The following PCDHA1 variants were observed in gnomAD, a reference collection of about 807,000 sequenced individuals.
The protein encoded by PCDHA1 is protocadherin alpha 1, also known as protocadherin alpha-1.
PCDHA1 carries 42 observed loss-of-function variants against 61.3 expected under a neutral mutation model. That is an observed-to-expected ratio of 0.69 (90% CI 0.54 to 0.89). The LOEUF (loss-of-function observed/expected upper bound fraction) is 0.89, where lower values mean the gene tolerates loss of function less well. Ranked by LOEUF, PCDHA1 falls within the 40% of genes least tolerant of loss-of-function variation. The pLI, the probability that PCDHA1 is intolerant of heterozygous loss-of-function variation, is 0.00. For synonymous variants in PCDHA1, 610 were observed against 553.8 expected (o/e 1.10, Z -1.43); for missense variants, 1,256 against 1,235.3 (o/e 1.02, Z -0.25).
intron 3 of PCDHA1, among the ~76,000 whole-genome samples, chr5:141,005,571 G>A (rs1053042213): frequency 4.0e-5 from 6 of 151,334 alleles, no homozygotes; most frequent in African/African-American, 4.9e-5. Context: ...GCATGGTGGC[G>A]CGTGCCTGTA....
At chr5:141,005,440 A>C (rs1174431656) in intron 3 of PCDHA1, among the ~76,000 whole-genome samples, 3 of 152,112 alleles carry the variant, frequency 2.0e-5, no homozygotes, top group African/African-American at 7.2e-5. Flanking sequence ...TGAGAGGCTC[A>C]CGCCTGTAAT....
chr5:140,884,096 G>T (rs782587372), intron 1 of PCDHA1: 1 of 1,613,580 alleles, frequency 6.2e-7, no homozygotes, highest in Non-Finnish European at 8.5e-7. Flanking sequence ...GCTTTCGTAT[G>T]AATTGCAGCT....
intron 1 of PCDHA1, among the ~76,000 whole-genome samples, chr5:140,839,583 T>A (rs1285207405): frequency 6.6e-6 from 1 of 151,916 alleles, no homozygotes; most frequent in Non-Finnish European, 1.5e-5. Context: ...AGAGATGGGG[T>A]CTTACCATGT....
chr5:140,794,310 A>G (rs1204166014), intron 1 of PCDHA1, among the ~76,000 whole-genome samples: 1 of 152,260 alleles, frequency 6.6e-6, no homozygotes, highest in Non-Finnish European at 1.5e-5. Context: ...CAGCCTTAAA[A>G]AGGAAATAAA....
At chr5:140,968,569 C>A in intron 1 of PCDHA1, 1 of 1,614,204 alleles carries the variant, frequency 6.2e-7, no homozygotes, top group Middle Eastern at 1.7e-4. Flanking sequence ...CCCCTGCTGG[C>A]TACCTGGTCA....
At chr5:140,909,101 G>C (rs1242179195) in intron 1 of PCDHA1, among the ~76,000 whole-genome samples, 1 of 152,122 alleles carries the variant, frequency 6.6e-6, no homozygotes, top group Non-Finnish European at 1.5e-5. Flanking sequence ...CACTCACTGG[G>C]TCCAATCAGC....
chr5:140,868,810 G>A lies in PCDHA1; in HGVS notation c.2394+80126G>A, dbSNP rs944762063. On this transcript the variant is annotated intron_variant, in intron 1 of 3. Transcript: ENST00000504120. Reference sequence around the variant, plus strand: ...GAATATTCCATAAATAAGCACGTTGGAAATATTTGGGGGAAGAAACCCAAA... The same window carrying A: ...GAATATTCCATAAATAAGCACGTTGAAAATATTTGGGGGAAGAAACCCAAA... 1.0e-4 allele frequency: 38 copies of A among 369,934 alleles called. No homozygotes were observed. The Admixed American group carries it at 1.3e-3, about 12-fold the overall frequency. The allele number at this position is 369,934 out of a possible 1,614,324, so 22.9% of individuals were successfully genotyped here.
intron 1 of PCDHA1, among the ~76,000 whole-genome samples, chr5:140,906,598 C>T (rs1258343234): frequency 6.6e-6 from 1 of 152,238 alleles, no homozygotes; most frequent in African/African-American, 2.4e-5. Flanking sequence ...TCCTCTACTA[C>T]TCATTCTGTA....
rs1272799738 is a variant in PCDHA1 at position 140,969,033 on chromosome 5, T to C, written c.2395-9916T>C. On this transcript the variant is annotated intron_variant, in intron 1 of 3. Coordinates refer to ENST00000504120, the MANE Select transcript of PCDHA1 (RefSeq NM_018900.4). ...GTAAGGGAAAGGTCCCCTGCAGAAC[T>C]GTACAAACAAGCCAACAACAATATT... 5 of 1,614,028 alleles carry C rather than the reference T, an allele frequency of 3.1e-6. No individual in the cohort carries two copies. Among genetic ancestry groups the C allele is most frequent in the Admixed American group, 3.3e-5 (2 of 60,006 alleles).
chr5:140,815,532 T>TATATTA (rs1554126820), intron 1 of PCDHA1: 3 of 151,194 alleles, frequency 2.0e-5, no homozygotes, highest in Non-Finnish European at 4.4e-5. Flanking sequence ...ATATTGTGTA[T>TATATTA]ACATTATTTT....
rs1252148937 is a variant in PCDHA1 at position 141,009,582 on chromosome 5, G to T, written c.2543-45G>T. On this transcript the variant is annotated intron_variant, in intron 3 of 3. Coordinates refer to ENST00000504120, the MANE Select transcript of PCDHA1 (RefSeq NM_018900.4). ...CTCTACCAGCAGTGTGGCATCAAGA[G>T]CATGTGTTGACCCTGTTAATGATTT... 16 of 1,590,108 alleles carry T rather than the reference G, an allele frequency of 1.0e-5. No homozygotes were observed. In the African/African-American group the frequency reaches 2.0e-4, roughly 20 times the overall value.
intron 1 of PCDHA1, chr5:140,836,860 A>G: frequency 1.3e-6 from 1 of 774,528 alleles, no homozygotes; most frequent in East Asian, 2.8e-5. Context: ...TTATTTTTTA[A>G]TGTTATGCTG....
chr5:140,928,790 G>GGGT, intron 1 of PCDHA1: 2 of 1,614,176 alleles, frequency 1.2e-6, no homozygotes, highest in Non-Finnish European at 1.7e-6. Context: ...GTTAAGCAGA[G>GGGT]GGTGGTGGTA....
intron 1 of PCDHA1, chr5:140,927,861 C>T (rs782305822): frequency 1.2e-6 from 2 of 1,614,042 alleles, no homozygotes; most frequent in East Asian, 2.2e-5. Context: ...TAGCTAGCAC[C>T]GCTAAACTGC....
At chr5:140,816,771 C>T in intron 1 of PCDHA1, 1 of 151,966 alleles carries the variant, frequency 6.6e-6, no homozygotes, top group Admixed American at 6.6e-5. Context: ...GTGTATAATT[C>T]CTAATTAGAG....
chr5:140,822,454 T>C (rs1283772552), intron 1 of PCDHA1: 3 of 1,613,664 alleles, frequency 1.9e-6, no homozygotes, highest in East Asian at 4.5e-5. Context: ...TACAGTTCAG[T>C]TGTTGATCAA....
intron 1 of PCDHA1, chr5:140,828,196 A>C (rs200011304): frequency 1.8e-4 from 283 of 1,613,856 alleles, no homozygotes; most frequent in East Asian, 4.2e-4. Context: ...ACTACTCCGT[A>C]CCCGAGGAGG....
chr5:140,835,478 A>C (rs2150236474), intron 1 of PCDHA1: 1 of 1,613,896 alleles, frequency 6.2e-7, no homozygotes, highest in South Asian at 1.1e-5. Context: ...ACGCCCAACC[A>C]GGTACCGTCA....
Position 140,851,965 on chromosome 5 carries a change from A to G in PCDHA1, c.2394+63281A>G, listed in dbSNP as rs564952826. On this transcript the variant is annotated intron_variant, in intron 1 of 3. Transcript: ENST00000504120. Reference sequence around the variant, plus strand: ...GTGACTTTCAAAATGGTGGTTTTCCACACTCTACCTTTAGTGCAAGCTATT... The same window carrying G: ...GTGACTTTCAAAATGGTGGTTTTCCGCACTCTACCTTTAGTGCAAGCTATT... 95 of 976,702 alleles carry G rather than the reference A, an allele frequency of 9.7e-5. 6 individuals are homozygous for G. The highest frequency in any genetic ancestry group is 1.2e-4 in the Non-Finnish European group (95 of 809,234). 60.5% of individuals were successfully genotyped at this position (976,702 alleles called of 1,614,324 possible).
Sources: allele counts gnomAD v4.1 joint callset (sites outside exome capture counted in the v4.1 genomes callset), GRCh38; gene constraint gnomAD v4.1.1; transcripts MANE v1.5; gene names NCBI Gene and HGNC (gene_info 2026-07-23, HGNC 2026-07-21).